FANCI: variants seen among roughly 807,000 people sequenced by gnomAD.
FANCI encodes Fanconi anemia group I protein.
A neutral mutation model predicts 176.1 loss-of-function variants in FANCI; 156 were observed. The ratio of observed to expected loss-of-function variants is 0.89; its 90% CI spans 0.78 to 1.01. FANCI has a LOEUF of 1.01. FANCI is among the 50% of genes least tolerant of loss of function. The pLI is 0.00. For missense variants in FANCI, 1,678 were observed against 1,534.1 expected (o/e 1.09, Z -1.57); for synonymous variants, 613 against 541.7 (o/e 1.13, Z -1.83).
intron 18 of FANCI, among the ~76,000 whole-genome samples, chr15:89,288,781 C>T (rs1001422924): frequency 2.0e-5 from 3 of 151,824 alleles, no homozygotes; most frequent in African/African-American, 7.3e-5. Context: ...AGCCACTGCA[C>T]CCAGCTAATT....
At chr15:89,278,839 T>C in intron 14 of FANCI, 65 bp downstream of exon 14, 4 of 1,409,818 alleles carry the variant, frequency 2.8e-6, no homozygotes, top group East Asian at 4.6e-5. Flanking sequence ...TCATAATCAT[T>C]TGGTCCTGGG....
chr15:89,312,926 A>C lies in FANCI; in HGVS notation c.3674A>C (p.Tyr1225Ser). 2 of 1,613,964 alleles carry C rather than the reference A, an allele frequency of 1.2e-6. No homozygotes were observed. The highest frequency in any genetic ancestry group is 1.3e-5 in the African/African-American group (1 of 75,022). Residue 1225 changes from tyrosine (Y) to serine (S), a missense_variant, in exon 35 of 38, where the codon TAT becomes TCT. Tyr to Ser is a moderately radical substitution (Grantham distance 144). This residue lies in a region of FANCI where 1,204 missense variants were observed against 1,077.4 expected (regional missense o/e 1.12). Coordinates refer to ENST00000310775, the MANE Select transcript of FANCI (RefSeq NM_001113378.2). ...YVQNKSKSLNYTGEKKEKPAA... is the reference protein window; with the variant it reads ...YVQNKSKSLNSTGEKKEKPAA... ...TAGAATAAGAGTAAGAGCCTGAACT[A>C]TACGGGAGAGAAAAAGGAGAAACCT...
At chr15:89,309,583 A>C (rs2054874672) in intron 34 of FANCI, among the ~76,000 whole-genome samples, 1 of 152,114 alleles carries the variant, frequency 6.6e-6, no homozygotes, top group South Asian at 2.1e-4. Context: ...TTTAAAATTT[A>C]AGCCAGGTGT....
chr15:89,298,396 C>A (rs1375147392), intron 24 of FANCI, among the ~76,000 whole-genome samples: 1 of 152,124 alleles, frequency 6.6e-6, no homozygotes, highest in African/African-American at 2.4e-5. Flanking sequence ...AGCCCATAGT[C>A]AAAAAGTCGT....
chr15:89,303,407 T>A (rs1381816944), intron 27 of FANCI, among the ~76,000 whole-genome samples: 1 of 152,244 alleles, frequency 6.6e-6, no homozygotes, highest in Non-Finnish European at 1.5e-5. Flanking sequence ...CTTTTATTTC[T>A]CTTTTTTCTG....
chr15:89,264,635 TC>T lies in FANCI; in HGVS notation c.755+29del, dbSNP rs1567145661. The T allele has an allele frequency of 2.5e-6, 4 of 1,582,378 alleles. No homozygotes were observed. The African/African-American group carries it at 5.4e-5, about 21-fold the overall frequency. ...GAGTAATATAGTGTAGAAATAAAGA[TC>T]ATTTTTACAAATTCATCTTCTCATT... On this transcript the variant is annotated intron_variant, in intron 9 of 37. Transcript: ENST00000310775.
chr15:89,304,758 T>G (rs1054308881), intron 28 of FANCI, among the ~76,000 whole-genome samples: 1 of 151,058 alleles, frequency 6.6e-6, no homozygotes, highest in Admixed American at 6.6e-5. Context: ...CTGAGGGACC[T>G]GACTGGGTTA....
At position 89,306,104 on chromosome 15, in the gene FANCI, G is replaced by A; in HGVS notation, c.3447G>A (p.Val1149=). The stretch of plus-strand genomic sequence containing the variant: ...TGCTTACATTTTTCCACGAGCTGGT[G>A]CAGACAGCTCTGCCATCAGGCAGCT... ...GTLLTFFHEL[V]QTALPSGSCV... The change falls in exon 32 of 38, where the codon GTG becomes GTA. Residue 1149 remains valine, a synonymous_variant. Transcript: ENST00000310775. 6.2e-7 allele frequency: 1 copy of A among 1,614,148 alleles called. No individual in the cohort carries two copies. The highest frequency in any genetic ancestry group is 1.3e-5 in the African/African-American group (1 of 75,044).
At chr15:89,290,343 G>T in intron 19 of FANCI, 62 bp downstream of exon 19, 2 of 1,277,514 alleles carry the variant, frequency 1.6e-6, no homozygotes, top group Non-Finnish European at 2.3e-6. Context: ...GACAGTTGAT[G>T]GTTTTCAGAC....
chr15:89,268,492 T>C lies in FANCI; in HGVS notation c.849T>C (p.Tyr283=). The C allele has an allele frequency of 6.2e-7, 1 of 1,614,210 alleles. No homozygotes were observed. Among genetic ancestry groups the C allele is most frequent in the East Asian group, 2.2e-5 (1 of 44,888 alleles). Residue 283 remains tyrosine, a synonymous_variant, in exon 10 of 38, where the codon TAT becomes TAC. Coordinates refer to ENST00000310775, the MANE Select transcript of FANCI (RefSeq NM_001113378.2). ...LHIVFAIKLD[Y]ELGRELVKHL... Reference sequence around the variant, plus strand: ...TTGTGTTTGCCATCAAATTGGACTATGAACTAGGCAGAGAACTCGTGAAAC... The same window carrying C: ...TTGTGTTTGCCATCAAATTGGACTACGAACTAGGCAGAGAACTCGTGAAAC...
intron 32 of FANCI, among the ~76,000 whole-genome samples, chr15:89,307,045 T>A (rs1262542376): frequency 6.6e-6 from 1 of 152,232 alleles, no homozygotes; most frequent in Non-Finnish European, 1.5e-5. Context: ...TATTAAATAC[T>A]TAGAAAGGCA....
chr15:89,264,124 T>C, intron 8 of FANCI, 98 bp downstream of exon 8: 2 of 1,291,144 alleles, frequency 1.5e-6, no homozygotes, highest in South Asian at 2.4e-5. Flanking sequence ...AGAGCAAACA[T>C]AGCCGAACAT....
intron 14 of FANCI, among the ~76,000 whole-genome samples, chr15:89,279,691 T>C (rs1317445551): frequency 6.6e-6 from 1 of 152,210 alleles, no homozygotes. Context: ...TCATTGCTCC[T>C]ATTTCCATTA....
intron 27 of FANCI, among the ~76,000 whole-genome samples, chr15:89,302,727 CAA>C (rs1203605642): frequency 3.3e-5 from 5 of 152,046 alleles, no homozygotes; most frequent in African/African-American, 9.7e-5. Context: ...GCGCCTGCCA[CAA>C]CACCCGGCTA....
intron 27 of FANCI, 42 bp from the exon 28 acceptor site, chr15:89,303,822 C>A (rs986803207): frequency 6.4e-6 from 10 of 1,569,952 alleles, no homozygotes; most frequent in Non-Finnish European, 8.8e-6. Context: ...CTAGGTCTAT[C>A]TCTGGCATGT....
At chr15:89,309,911 C>G (rs1407246964) in intron 34 of FANCI, among the ~76,000 whole-genome samples, 1 of 152,196 alleles carries the variant, frequency 6.6e-6, no homozygotes, top group Non-Finnish European at 1.5e-5. Flanking sequence ...GTCACATTGT[C>G]TAATAATTTT....
At chr15:89,305,290 C>T (rs751053846) in intron 29 of FANCI, 48 bp downstream of exon 29, 44 of 1,614,134 alleles carry the variant, frequency 2.7e-5, no homozygotes, top group South Asian at 1.3e-4. Flanking sequence ...GGATGGGGGT[C>T]AAGGGAACAA....
intron 9 of FANCI, among the ~76,000 whole-genome samples, chr15:89,266,593 T>G (rs1029529378): frequency 6.6e-6 from 1 of 151,856 alleles, no homozygotes; most frequent in Admixed American, 6.6e-5. Context: ...CCTCCCAAAG[T>G]GCTGGGATTA....
chr15:89,307,515 A>G lies in FANCI; in HGVS notation c.3577A>G (p.Asn1193Asp). The stretch of plus-strand genomic sequence containing the variant: ...TCAGAGCTCCGGAGGAATTCCAAAA[A>G]ATATGGAAAAGCTGGTGAGTTGAGA... ...VCQSSGGIPKNMEKLVKLSGS... is the reference protein window; with the variant it reads ...VCQSSGGIPKDMEKLVKLSGS... The change falls in exon 33 of 38, where the codon AAT becomes GAT. Residue 1193 changes from asparagine (N) to aspartate (D), a missense_variant. Coordinates refer to ENST00000310775, the MANE Select transcript of FANCI (RefSeq NM_001113378.2). The G allele has an allele frequency of 6.2e-7, 1 of 1,614,236 alleles. No homozygotes were observed. The highest frequency in any genetic ancestry group is 8.5e-7 in the Non-Finnish European group (1 of 1,180,028).
Sources: gnomAD v4.1 joint callset for allele counts (sites outside exome capture counted in the v4.1 genomes callset) on GRCh38, gnomAD v4.1.1 for gene constraint, gnomAD v4.1.1 regional missense constraint, MANE v1.5 for transcripts, NCBI Gene and HGNC (gene_info 2026-07-23, HGNC 2026-07-21) for gene names.